TBC1D8: variants seen among roughly 807,000 people sequenced by gnomAD.
TBC1D8 encodes the protein TBC1 domain family member 8.
In TBC1D8, 65 loss-of-function variants were observed where a neutral mutation model predicts 118.8. That is an observed-to-expected ratio of 0.55 (90% CI 0.45 to 0.67). TBC1D8 has a LOEUF of 0.67. Among genes scored for constraint, TBC1D8 ranks in the 30% least tolerant of loss-of-function variants. TBC1D8 has a pLI of 0.00. For synonymous variants in TBC1D8, 566 were observed against 595.8 expected (o/e 0.95, Z 0.73); for missense variants, 1,376 against 1,471.2 (o/e 0.94, Z 1.06).
chr2:101,133,615 G>C (rs1308082789), intron 1 of TBC1D8, among the ~76,000 whole-genome samples: 1 of 152,172 alleles, frequency 6.6e-6, no homozygotes, highest in African/African-American at 2.4e-5. Flanking sequence ...GGTAGGGAGA[G>C]GGAGCTCTCT....
rs1167561175 is a variant in TBC1D8, at chr2:101,065,802, T to C, written c.284-6263A>G. 2.0e-5 allele frequency among the ~76,000 whole-genome samples: 3 copies of C among 152,236 alleles called. No homozygotes were observed. The East Asian group carries it at 5.8e-4, about 29-fold the overall frequency. On this transcript the variant is annotated intron_variant, in intron 2 of 19. Coordinates refer to ENST00000409318, the MANE Select transcript of TBC1D8 (RefSeq NM_001330348.2). ...AAAATTAAAATAGCCTTTTAATTTA[T>C]AATTGAAGTGGTCATTAAAATGTCC...
intron 1 of TBC1D8, chr2:101,109,886 G>A (rs1677483081): frequency 2.0e-6 from 2 of 985,452 alleles, no homozygotes; most frequent in Non-Finnish European, 2.4e-6. Flanking sequence ...GCCCAAACCG[G>A]CAAACTCTTT....
intron 1 of TBC1D8, among the ~76,000 whole-genome samples, chr2:101,105,368 ATAACATAT>A (rs1241687369): frequency 6.6e-6 from 1 of 152,114 alleles, no homozygotes; most frequent in African/African-American, 2.4e-5. Context: ...CAGATGACAA[ATAACATAT>A]GAAGTGTTTT....
chr2:101,114,886 C>T (rs1476700974), intron 1 of TBC1D8, among the ~76,000 whole-genome samples: 2 of 147,556 alleles, frequency 1.4e-5, no homozygotes, highest in Non-Finnish European at 3.0e-5. Flanking sequence ...ACACCCAGAA[C>T]AGGGGTGCCA....
intron 17 of TBC1D8, among the ~76,000 whole-genome samples, chr2:101,020,006 G>A (rs1372842772): frequency 2.0e-5 from 3 of 150,786 alleles, no homozygotes; most frequent in Non-Finnish European, 4.4e-5. Flanking sequence ...CCGGGAGGCG[G>A]AGCTTGCAGT....
At chr2:101,151,040 G>A (rs1553427468) in intron 1 of TBC1D8, 87 bp downstream of exon 1, 22 of 928,026 alleles carry the variant, frequency 2.4e-5, no homozygotes, top group Non-Finnish European at 2.8e-5. Flanking sequence ...CGCCTCTGGC[G>A]ACGCAGCCCG....
At chr2:101,113,389 TA>T (rs60168240) in intron 1 of TBC1D8, among the ~76,000 whole-genome samples, 19,950 of 145,556 alleles carry the variant, frequency 0.14, 1,575 homozygotes, top group East Asian at 0.27. Flanking sequence ...AATTGGAAGT[TA>T]AAAAAAAAAA....
chr2:101,039,792 C>CT (rs1017978398), intron 6 of TBC1D8, among the ~76,000 whole-genome samples: 3 of 147,592 alleles, frequency 2.0e-5, no homozygotes, highest in South Asian at 2.2e-4. Flanking sequence ...TTGTAGGTTG[C>CT]TTTTTTTTTT....
rs113306556 is a variant in TBC1D8 at position 101,099,661 on chromosome 2, C to T, written c.128-9297G>A. Among the ~76,000 whole-genome samples the T allele has an allele frequency of 9.5e-3, 1,449 of 152,302 alleles. 27 individuals are homozygous for T. The highest frequency in any genetic ancestry group is 0.033 in the African/African-American group (1,368 of 41,568). Reference sequence around the variant, plus strand: ...AGCAGCACAGCAAAAAACATATCCACCATGATCAAGTCAGGTTCATCCCTG... The same window carrying T: ...AGCAGCACAGCAAAAAACATATCCATCATGATCAAGTCAGGTTCATCCCTG... On this transcript the variant is annotated intron_variant, in intron 1 of 19. Transcript: ENST00000409318.
At chr2:101,141,956 T>C (rs993063090) in intron 1 of TBC1D8, among the ~76,000 whole-genome samples, 1 of 152,096 alleles carries the variant, frequency 6.6e-6, no homozygotes, top group Admixed American at 6.6e-5. Flanking sequence ...TCCCTATTAG[T>C]AACAATGAGA....
At chr2:101,067,936 G>A (rs751188704) in intron 2 of TBC1D8, among the ~76,000 whole-genome samples, 3 of 152,088 alleles carry the variant, frequency 2.0e-5, no homozygotes, top group Non-Finnish European at 4.4e-5. Flanking sequence ...TGTGTGAAGC[G>A]TTCAACAATG....
rs1305986354 is a variant in TBC1D8 at position 101,007,378 on chromosome 2, A to G, written c.*443T>C. 6.3e-6 allele frequency: 1 copy of G among 159,326 alleles called. No individual in the cohort carries two copies. The highest frequency in any genetic ancestry group is 2.4e-5 in the African/African-American group (1 of 41,594). 9.9% of individuals were successfully genotyped at this position (159,326 alleles called of 1,614,324 possible). The stretch of plus-strand genomic sequence containing the variant: ...TACCAGCATTGAAACAGTGCAAAAA[A>G]AAGCCAAATACAATTGCACAGATAG... On this transcript the variant is annotated 3_prime_UTR_variant, in exon 20 of 20. Coordinates refer to ENST00000409318, the MANE Select transcript of TBC1D8 (RefSeq NM_001330348.2).
rs561629175 is a variant in TBC1D8 at position 101,138,238 on chromosome 2, G to A, written c.127+12889C>T. 4.6e-5 allele frequency among the ~76,000 whole-genome samples: 7 copies of A among 152,202 alleles called. No homozygotes were observed. The South Asian group carries it at 1.5e-3, about 32-fold the overall frequency. Reference sequence around the variant, plus strand: ...GGATTACAATTTGACATGAAAATTGGGTGGGGACACAGATCCAAACCACAT... The same window carrying A: ...GGATTACAATTTGACATGAAAATTGAGTGGGGACACAGATCCAAACCACAT... On this transcript the variant is annotated intron_variant, in intron 1 of 19. Coordinates refer to ENST00000409318, the MANE Select transcript of TBC1D8 (RefSeq NM_001330348.2).
intron 2 of TBC1D8, among the ~76,000 whole-genome samples, chr2:101,077,269 C>T (rs1674899220): frequency 7.3e-6 from 1 of 136,412 alleles, no homozygotes; most frequent in African/African-American, 2.8e-5. Flanking sequence ...GTGATCGACC[C>T]ACCTCGGCCT....
chr2:101,017,635 C>A (rs1186013799), intron 17 of TBC1D8, among the ~76,000 whole-genome samples: 2 of 152,184 alleles, frequency 1.3e-5, no homozygotes, highest in African/African-American at 4.8e-5. Context: ...GCAAAGCAGA[C>A]CATGCTGTGC....
chr2:101,139,704 T>C (rs1170488591), intron 1 of TBC1D8, among the ~76,000 whole-genome samples: 1 of 152,106 alleles, frequency 6.6e-6, no homozygotes, highest in Non-Finnish European at 1.5e-5. Context: ...CACATGCCAT[T>C]TCCTCTGCTC....
chr2:101,008,683 A>G (rs1351443837), intron 19 of TBC1D8, among the ~76,000 whole-genome samples: 5 of 152,046 alleles, frequency 3.3e-5, no homozygotes, highest in Non-Finnish European at 5.9e-5. Flanking sequence ...ATGGTGACCC[A>G]TGCCTGCAAT....
chr2:101,134,886 A>G (rs1250439344), intron 1 of TBC1D8, among the ~76,000 whole-genome samples: 1 of 152,202 alleles, frequency 6.6e-6, no homozygotes, highest in Non-Finnish European at 1.5e-5. Context: ...AGAAAAAGCC[A>G]TATTTGGCCG....
chr2:101,119,754 T>C (rs1265794181), intron 1 of TBC1D8, among the ~76,000 whole-genome samples: 1 of 152,216 alleles, frequency 6.6e-6, no homozygotes, highest in Non-Finnish European at 1.5e-5. Context: ...TGCAATTTCA[T>C]TTCTGTAGTT....
Sources: gnomAD v4.1 joint callset for allele counts (sites outside exome capture counted in the v4.1 genomes callset) on GRCh38, gnomAD v4.1.1 for gene constraint, MANE v1.5 for transcripts, NCBI Gene and HGNC (gene_info 2026-07-23, HGNC 2026-07-21) for gene names.